The following MEOX2 variants were observed in gnomAD, a reference collection of about 807,000 sequenced individuals.
MEOX2 encodes the protein homeobox protein MOX-2.
In MEOX2, 11 loss-of-function variants were observed where a neutral mutation model predicts 27.0. That is an observed-to-expected ratio of 0.41 (90% CI 0.26 to 0.68). The LOEUF (loss-of-function observed/expected upper bound fraction) is 0.68, where lower values mean the gene tolerates loss of function less well. Among genes scored for constraint, MEOX2 ranks in the 30% least tolerant of loss-of-function variants. The pLI is 0.33. For missense variants in MEOX2, 436 were observed against 385.4 expected, an observed-to-expected ratio of 1.13 and a Z score of -1.10; for synonymous variants, 189 against 155.4, an observed-to-expected ratio of 1.22 and a Z score of -1.61.
chr7:15,614,544 T>C (rs902871762), intron 2 of MEOX2, among the ~76,000 whole-genome samples: 1 of 152,210 alleles, frequency 6.6e-6, no homozygotes, highest in Non-Finnish European at 1.5e-5. Flanking sequence ...CCCAGGTCCA[T>C]TTATTAAATA....
At chr7:15,663,929 A>T (rs1214437699) in intron 1 of MEOX2, among the ~76,000 whole-genome samples, 3 of 152,200 alleles carry the variant, frequency 2.0e-5, no homozygotes, top group Non-Finnish European at 4.4e-5. Context: ...AAATGTATAG[A>T]TAGATATAGA....
chr7:15,666,302 A>G (rs1257472541), intron 1 of MEOX2, among the ~76,000 whole-genome samples: 4 of 152,202 alleles, frequency 2.6e-5, no homozygotes, highest in Admixed American at 6.5e-5. Flanking sequence ...CATGCCAAAA[A>G]TAATAAAGCT....
At chr7:15,638,201 T>G (rs1473651186) in intron 1 of MEOX2, among the ~76,000 whole-genome samples, 1 of 151,980 alleles carries the variant, frequency 6.6e-6, no homozygotes, top group East Asian at 1.9e-4. Context: ...TCAGCAAGAG[T>G]TGTGTATGAT....
At chr7:15,629,780 T>C (rs549065291) in intron 1 of MEOX2, among the ~76,000 whole-genome samples, 1 of 152,188 alleles carries the variant, frequency 6.6e-6, no homozygotes, top group Non-Finnish European at 1.5e-5. Context: ...TTTACCTCTT[T>C]CTTTACAGTT....
chr7:15,633,609 T>C (rs922516044), intron 1 of MEOX2, among the ~76,000 whole-genome samples: 6 of 151,970 alleles, frequency 3.9e-5, no homozygotes, highest in Admixed American at 2.0e-4. Context: ...ATTTATATTA[T>C]GAAAGACAAG....
At chr7:15,672,236 T>C (rs1481034108) in intron 1 of MEOX2, among the ~76,000 whole-genome samples, 1 of 152,262 alleles carries the variant, frequency 6.6e-6, no homozygotes, top group Non-Finnish European at 1.5e-5. Context: ...TGTTTCTCAG[T>C]TGTCCAATGA....
intron 1 of MEOX2, chr7:15,668,361 T>C (rs1018202323): frequency 6.6e-6 from 1 of 152,242 alleles, no homozygotes; most frequent in African/African-American, 2.4e-5. Context: ...CTTTACTTTA[T>C]TGTAAGAATA....
intron 1 of MEOX2, among the ~76,000 whole-genome samples, chr7:15,664,406 T>C (rs1781966053): frequency 6.6e-6 from 1 of 152,114 alleles, no homozygotes; most frequent in East Asian, 1.9e-4. Flanking sequence ...ACTTTGGAGG[T>C]ACTCATTTAT....
chr7:15,624,699 C>G (rs918376395), intron 2 of MEOX2, among the ~76,000 whole-genome samples: 3 of 152,064 alleles, frequency 2.0e-5, no homozygotes, highest in Non-Finnish European at 4.4e-5. Flanking sequence ...GTATTACTGT[C>G]CAACTAAGCC....
intron 1 of MEOX2, among the ~76,000 whole-genome samples, chr7:15,651,304 TA>T (rs542883113): frequency 2.6e-4 from 39 of 152,142 alleles, no homozygotes; most frequent in African/African-American, 7.7e-4. Flanking sequence ...TTAATATATA[TA>T]TCCAGTATTG....
chr7:15,674,533 T>G (rs1301036998), intron 1 of MEOX2, among the ~76,000 whole-genome samples: 1 of 149,504 alleles, frequency 6.7e-6, no homozygotes, highest in Non-Finnish European at 1.5e-5. Flanking sequence ...GGCAGTAAAT[T>G]AAAATTAATT....
chr7:15,650,239 T>G (rs1211062148), intron 1 of MEOX2, among the ~76,000 whole-genome samples: 14 of 152,078 alleles, frequency 9.2e-5, no homozygotes, highest in Admixed American at 6.6e-5. Context: ...ATTTTCCCAA[T>G]TGTGGGCTCA....
chr7:15,634,117 C>T (rs1459199737), intron 1 of MEOX2, among the ~76,000 whole-genome samples: 3 of 151,716 alleles, frequency 2.0e-5, no homozygotes, highest in African/African-American at 7.3e-5. Context: ...AATCAGTCTC[C>T]CTATTATAAA....
chr7:15,635,610 C>G (rs1781468847), intron 1 of MEOX2, among the ~76,000 whole-genome samples: 1 of 151,854 alleles, frequency 6.6e-6, no homozygotes, highest in African/African-American at 2.4e-5. Context: ...GGACTGTGGT[C>G]CAAGGCCTTA....
intron 1 of MEOX2, among the ~76,000 whole-genome samples, chr7:15,659,145 A>G (rs1437773505): frequency 6.6e-6 from 1 of 152,194 alleles, no homozygotes; most frequent in African/African-American, 2.4e-5. Flanking sequence ...GACTACAGGC[A>G]CATGCCAGCA....
chr7:15,625,398 A>G (rs1562596838), intron 2 of MEOX2, among the ~76,000 whole-genome samples: 1 of 152,226 alleles, frequency 6.6e-6, no homozygotes, highest in Non-Finnish European at 1.5e-5. Flanking sequence ...ACTAGTCATA[A>G]TATGTAATAA....
chr7:15,612,440 CT>C lies in MEOX2; in HGVS notation c.861del (p.Ile287MetfsTer47). ...TCACTGTCGTGACTGTCTTCATTTGCTATAGAGTCCCCTGTTTGCTGGAGGG... is the reference window on the plus strand; with the variant it reads ...TCACTGTCGTGACTGTCTTCATTTGCATAGAGTCCCCTGTTTGCTGGAGGG... ...AATLQQTGDS[I>X]ANEDSHDSDH... On this transcript the variant is annotated frameshift_variant, in exon 3 of 3. Transcript: ENST00000262041. LOFTEE classifies it high-confidence loss of function. The C allele has an allele frequency of 6.2e-7, 1 of 1,614,170 alleles. No individual in the cohort carries two copies. The highest frequency in any genetic ancestry group is 8.5e-7 in the Non-Finnish European group (1 of 1,180,032).
At chr7:15,622,144 T>C (rs115955143) in intron 2 of MEOX2, among the ~76,000 whole-genome samples, 1,709 of 152,160 alleles carry the variant, frequency 0.011, 38 homozygotes, top group African/African-American at 0.039. Flanking sequence ...ACAAAAGCAA[T>C]CTTATTATAT....
At chr7:15,679,286 C>T (rs1037930154) in intron 1 of MEOX2, 2 of 151,944 alleles carry the variant, frequency 1.3e-5, no homozygotes, top group Non-Finnish European at 2.9e-5. Flanking sequence ...CTTCCATGTC[C>T]TAGTTAATTC....
Sources: gnomAD v4.1 joint callset for allele counts (sites outside exome capture counted in the v4.1 genomes callset) on GRCh38, gnomAD v4.1.1 for gene constraint, MANE v1.5 for transcripts, NCBI Gene and HGNC (gene_info 2026-07-23, HGNC 2026-07-21) for gene names.